BICD1: variants seen among roughly 807,000 people sequenced by gnomAD.
BICD1 encodes the protein BICD cargo adaptor 1.
A neutral mutation model predicts 92.5 loss-of-function variants in BICD1; 35 were observed. The ratio of observed to expected loss-of-function variants is 0.38; its 90% CI spans 0.29 to 0.50. The LOEUF is 0.50. Among genes scored for constraint, BICD1 ranks in the 20% least tolerant of loss-of-function variants. The pLI is 0.93. For synonymous variants in BICD1, 429 were observed against 465.1 expected (o/e 0.92, Z 1.00); for missense variants, 950 against 1,189.8 (o/e 0.80, Z 2.97).
At chr12:32,238,073 A>T (rs1406113394) in intron 2 of BICD1, among the ~76,000 whole-genome samples, 2 of 152,170 alleles carry the variant, frequency 1.3e-5, no homozygotes, top group Non-Finnish European at 2.9e-5. Flanking sequence ...GTTTCGAAGA[A>T]GTTGATTCCA....
At chr12:32,190,628 A>G (rs1285957833) in intron 1 of BICD1, among the ~76,000 whole-genome samples, 2 of 152,238 alleles carry the variant, frequency 1.3e-5, no homozygotes, top group Non-Finnish European at 1.5e-5. Flanking sequence ...GAAGGGAAAA[A>G]CAGACATCAA....
At chr12:32,196,389 T>G (rs1332349690) in intron 1 of BICD1, among the ~76,000 whole-genome samples, 1 of 152,166 alleles carries the variant, frequency 6.6e-6, no homozygotes, top group Non-Finnish European at 1.5e-5. Flanking sequence ...CCTAAGTATC[T>G]GTCAGCCAAT....
chr12:32,315,168 C>T (rs552253183), intron 4 of BICD1, among the ~76,000 whole-genome samples: 21 of 152,244 alleles, frequency 1.4e-4, no homozygotes, highest in Non-Finnish European at 2.4e-4. Flanking sequence ...CTATTTTACA[C>T]GTGGGCATCC....
At chr12:32,195,284 G>A (rs1277417795) in intron 1 of BICD1, among the ~76,000 whole-genome samples, 11 of 152,032 alleles carry the variant, frequency 7.2e-5, no homozygotes, top group Non-Finnish European at 1.3e-4. Context: ...GTATGGAATT[G>A]CAAAAGACCC....
At chr12:32,164,323 C>G (rs972031790) in intron 1 of BICD1, among the ~76,000 whole-genome samples, 2 of 152,152 alleles carry the variant, frequency 1.3e-5, no homozygotes, top group Non-Finnish European at 2.9e-5. Context: ...GGAATCTTTG[C>G]AGTTTTAATG....
intron 1 of BICD1, among the ~76,000 whole-genome samples, chr12:32,121,159 G>A (rs1198685115): frequency 6.6e-6 from 1 of 151,570 alleles, no homozygotes; most frequent in African/African-American, 2.4e-5. Flanking sequence ...TAGTAGAGAC[G>A]GGGTTTCACC....
At chr12:32,263,317 G>T (rs1014492661) in intron 2 of BICD1, among the ~76,000 whole-genome samples, 7 of 152,134 alleles carry the variant, frequency 4.6e-5, no homozygotes, top group Non-Finnish European at 8.8e-5. Flanking sequence ...GGGAGGCCGA[G>T]GCGGGTGGAT....
chr12:32,132,426 A>AT (rs1339335063), intron 1 of BICD1, among the ~76,000 whole-genome samples: 2 of 151,758 alleles, frequency 1.3e-5, no homozygotes, highest in African/African-American at 4.8e-5. Flanking sequence ...AAAAAAAAAA[A>AT]AAAAAAGATC....
intron 2 of BICD1, among the ~76,000 whole-genome samples, chr12:32,288,119 G>C (rs1947623189): frequency 6.6e-6 from 1 of 152,116 alleles, no homozygotes; most frequent in African/African-American, 2.4e-5. Context: ...AAATCCAAAG[G>C]CCAGCTCAGT....
In BICD1 at chr12:32,367,738, A is replaced by T; in HGVS notation, c.2833A>T (p.Thr945Ser). ...SQLAGRQDCP[T>S]VSPDTALPEE... ...ACTAGCCGGGAGGCAAGACTGCCCA[A>T]CTGTCAGGTAAATTCAGATGTCCTT... The change falls in exon 9 of 10, where the codon ACT becomes TCT. Residue 945 changes from threonine to serine, a missense_variant. Around this residue, in one of 5 missense-constraint regions of BICD1, gnomAD observed 179 missense variants for 186.7 expected, o/e 0.96. Transcript: ENST00000652176. 1 of 1,613,852 alleles carries T rather than the reference A, an allele frequency of 6.2e-7. No homozygotes were observed. Among genetic ancestry groups the T allele is most frequent in the Middle Eastern group, 1.7e-4 (1 of 6,034 alleles).
Position 32,361,565 on chromosome 12 carries a change from AAAAG to A in BICD1, c.2765-6095_2765-6092del, listed in dbSNP as rs1477177265. On this transcript the variant is annotated intron_variant, in intron 8 of 9. Coordinates refer to ENST00000652176, the MANE Select transcript of BICD1 (RefSeq NM_001714.4). ...GAGACTCCATCTCAAAAAAAAAAAA[AAAAG>A]AAAGAAAGATAAGAAAAAAAGGAAG... 4.8e-3 allele frequency among the ~76,000 whole-genome samples: 723 copies of A among 151,896 alleles called. 4 individuals carry two copies. Among genetic ancestry groups the A allele is most frequent in the African/African-American group, 0.016 (669 of 41,390 alleles).
intron 1 of BICD1, 73 bp from the exon 2 acceptor site, chr12:32,216,174 A>C (rs1945355212): frequency 6.7e-7 from 1 of 1,498,142 alleles, no homozygotes; most frequent in Non-Finnish European, 9.1e-7. Flanking sequence ...AGAAGAAAAC[A>C]TTTTCCCAAG....
chr12:32,247,463 A>G (rs1946418445), intron 2 of BICD1, among the ~76,000 whole-genome samples: 1 of 152,082 alleles, frequency 6.6e-6, no homozygotes, highest in Non-Finnish European at 1.5e-5. Flanking sequence ...AGAAGCAGGT[A>G]GAGAAAAGGA....
At chr12:32,347,382 G>A (rs1374348615) in intron 8 of BICD1, among the ~76,000 whole-genome samples, 7 of 151,168 alleles carry the variant, frequency 4.6e-5, no homozygotes, top group East Asian at 4.0e-4. Context: ...GCTCATGCCT[G>A]TAATCCCAGC....
At chr12:32,229,122 ATGCC>A (rs907004753) in intron 2 of BICD1, among the ~76,000 whole-genome samples, 20 of 152,230 alleles carry the variant, frequency 1.3e-4, no homozygotes, top group Admixed American at 7.9e-4. Flanking sequence ...GTGGTGGTGC[ATGCC>A]TATAATCCCA....
intron 8 of BICD1, among the ~76,000 whole-genome samples, chr12:32,365,976 A>C (rs1404075518): frequency 6.6e-6 from 1 of 152,236 alleles, no homozygotes; most frequent in Non-Finnish European, 1.5e-5. Context: ...ACTAAACAAA[A>C]ATCAGATCTC....
chr12:32,348,153 C>T (rs78911928), intron 8 of BICD1, among the ~76,000 whole-genome samples: 1 of 152,072 alleles, frequency 6.6e-6, no homozygotes, highest in Non-Finnish European at 1.5e-5. Context: ...GTCCAGTATT[C>T]CTGTCCAGAA....
chr12:32,362,044 C>A (rs79532995), intron 8 of BICD1, among the ~76,000 whole-genome samples: 1 of 152,206 alleles, frequency 6.6e-6, no homozygotes, highest in South Asian at 2.1e-4. Flanking sequence ...CCTGGACTCC[C>A]TAAGGCATTG....
chr12:32,220,042 G>A (rs1175628824), intron 2 of BICD1, among the ~76,000 whole-genome samples: 1 of 152,186 alleles, frequency 6.6e-6, no homozygotes, highest in Non-Finnish European at 1.5e-5. Flanking sequence ...CTAGCCATAT[G>A]TAGAAAGCTG....
Sources: gnomAD v4.1 joint callset for allele counts (sites outside exome capture counted in the v4.1 genomes callset) on GRCh38, gnomAD v4.1.1 for gene constraint, gnomAD v4.1.1 regional missense constraint, MANE v1.5 for transcripts, NCBI Gene and HGNC (gene_info 2026-07-23, HGNC 2026-07-21) for gene names.